Variants in CYP7B1 observed in about 807,000 individuals in gnomAD.
The protein encoded by CYP7B1 is cytochrome P450 family 7 subfamily B member 1.
In CYP7B1, 29 loss-of-function variants were observed where a neutral mutation model predicts 42.7. The ratio of observed to expected loss-of-function variants is 0.68; its 90% confidence interval spans 0.51 to 0.93. The LOEUF (loss-of-function observed/expected upper bound fraction) is 0.93. Ranked by LOEUF, CYP7B1 falls within the 40% of genes least tolerant of loss-of-function variation. The pLI, the probability that CYP7B1 is intolerant of heterozygous loss-of-function variation, is 0.00. For synonymous variants in CYP7B1, 235 were observed against 218.2 expected, an observed-to-expected ratio of 1.08 and a Z score of -0.68; for missense variants, 655 against 600.5, an observed-to-expected ratio of 1.09 and a Z score of -0.95.
intron 1 of CYP7B1, among the ~76,000 whole-genome samples, chr8:64,798,096 G>C (rs181730474): frequency 1.1e-4 from 17 of 152,302 alleles, no homozygotes; most frequent in African/African-American, 3.6e-4. Flanking sequence ...TCTTTTAACT[G>C]ATGAAATTTA....
At chr8:64,692,216 G>C (rs1359519776) in intron 1 of CYP7B1, among the ~76,000 whole-genome samples, 1 of 152,178 alleles carries the variant, frequency 6.6e-6, no homozygotes, top group African/African-American at 2.4e-5. Flanking sequence ...GTCAATAAGG[G>C]GATACCCTGA....
chr8:64,709,306 C>A (rs1005049978), intron 1 of CYP7B1, among the ~76,000 whole-genome samples: 2 of 152,176 alleles, frequency 1.3e-5, no homozygotes, highest in African/African-American at 4.8e-5. Flanking sequence ...TGATTTCTAT[C>A]TTTCTTTCTT....
chr8:64,627,660 A>T (rs1585816304), intron 1 of CYP7B1, among the ~76,000 whole-genome samples: 1 of 152,340 alleles, frequency 6.6e-6, no homozygotes, highest in East Asian at 1.9e-4. Context: ...TTAACTTAAC[A>T]TTCAGAGTTA....
chr8:64,628,117 A>G (rs1199559383), intron 1 of CYP7B1, among the ~76,000 whole-genome samples: 7 of 152,082 alleles, frequency 4.6e-5, no homozygotes, highest in African/African-American at 1.2e-4. Flanking sequence ...TATGTTCCCT[A>G]CTCCCTCATA....
At chr8:64,634,278 G>A (rs1805738042) in intron 1 of CYP7B1, among the ~76,000 whole-genome samples, 1 of 152,054 alleles carries the variant, frequency 6.6e-6, no homozygotes, top group African/African-American at 2.4e-5. Context: ...ATAAAGAAAT[G>A]CTATTTTGGG....
At position 64,594,585 on chromosome 8, in the gene CYP7B1, G is replaced by T. The variant is rs1269839538; in HGVS notation, c.*2057C>A. On this transcript the variant is annotated 3_prime_UTR_variant, in exon 6 of 6. Transcript: ENST00000310193. Reference sequence around the variant, plus strand: ...ACAGAATAAGTAAATAAAGCCAGAGGGACCTTATTAGAACCAATTATAATT... The same window carrying T: ...ACAGAATAAGTAAATAAAGCCAGAGTGACCTTATTAGAACCAATTATAATT... 2.6e-5 allele frequency among the ~76,000 whole-genome samples: 4 copies of T among 152,062 alleles called. No individual in the cohort carries two copies. Among genetic ancestry groups the T allele is most frequent in the Admixed American group, 6.6e-5 (1 of 15,252 alleles).
intron 1 of CYP7B1, among the ~76,000 whole-genome samples, chr8:64,679,692 C>A (rs568740987): frequency 6.6e-6 from 1 of 152,104 alleles, no homozygotes; most frequent in Non-Finnish European, 1.5e-5. Context: ...CTTTTCCTAG[C>A]CCTCCTGTGA....
intron 1 of CYP7B1, among the ~76,000 whole-genome samples, chr8:64,649,094 C>A (rs545526163): frequency 6.6e-5 from 10 of 152,292 alleles, no homozygotes; most frequent in Non-Finnish European, 1.0e-4. Flanking sequence ...CGGTTTTCAT[C>A]TTCCACCACC....
chr8:64,660,651 T>G (rs1806187298), intron 1 of CYP7B1, among the ~76,000 whole-genome samples: 2 of 152,210 alleles, frequency 1.3e-5, no homozygotes, highest in Admixed American at 1.3e-4. Flanking sequence ...CACAGTCTTT[T>G]CTGTAACCTA....
At chr8:64,707,407 G>C (rs991498512) in intron 1 of CYP7B1, among the ~76,000 whole-genome samples, 1 of 152,034 alleles carries the variant, frequency 6.6e-6, no homozygotes, top group African/African-American at 2.4e-5. Context: ...TTATCTAGGG[G>C]GTTTTATTTG....
intron 1 of CYP7B1, among the ~76,000 whole-genome samples, chr8:64,668,000 C>G (rs576993203): frequency 2.0e-5 from 3 of 152,334 alleles, no homozygotes; most frequent in African/African-American, 7.2e-5. Context: ...CTACAGACAA[C>G]TGCTTAATCT....
At chr8:64,624,307 A>G in intron 2 of CYP7B1, 96 bp downstream of exon 2, 2 of 1,176,198 alleles carry the variant, frequency 1.7e-6, no homozygotes, top group Non-Finnish European at 2.5e-6. Context: ...AAAATATACA[A>G]ATATTCTACA....
intron 1 of CYP7B1, among the ~76,000 whole-genome samples, chr8:64,765,605 G>A (rs944463614): frequency 7.2e-5 from 11 of 152,174 alleles, no homozygotes; most frequent in South Asian, 4.1e-4. Flanking sequence ...GTGCAGGACT[G>A]CTACATCAGT....
rs1015800924 is a variant in CYP7B1, at chr8:64,714,399, G to A, written c.122+84067C>T. 1.1e-4 allele frequency among the ~76,000 whole-genome samples: 17 copies of A among 152,280 alleles called. No homozygotes were observed. The East Asian group carries it at 2.9e-3, about 26-fold the overall frequency. On this transcript the variant is annotated intron_variant, in intron 1 of 5. Coordinates refer to ENST00000310193, the MANE Select transcript of CYP7B1 (RefSeq NM_004820.5). ...GTTAGCATTCAAACCATTGTGACCC[G>A]CCATTTAACCATGGACTAAATCAGC...
At chr8:64,692,283 C>A (rs1422246364) in intron 1 of CYP7B1, among the ~76,000 whole-genome samples, 2 of 152,202 alleles carry the variant, frequency 1.3e-5, no homozygotes, top group Non-Finnish European at 1.5e-5. Flanking sequence ...TGCAAATTAA[C>A]AAATGGATAT....
At chr8:64,714,276 T>G (rs902180699) in intron 1 of CYP7B1, among the ~76,000 whole-genome samples, 1 of 152,232 alleles carries the variant, frequency 6.6e-6, no homozygotes, top group African/African-American at 2.4e-5. Flanking sequence ...GTGGTTTTTA[T>G]AAAGAATATG....
chr8:64,795,059 T>C (rs1804683806), intron 1 of CYP7B1, among the ~76,000 whole-genome samples: 1 of 151,732 alleles, frequency 6.6e-6, no homozygotes. Context: ...TTTTCCGAAA[T>C]GGTTGTGGAT....
chr8:64,631,459 A>C (rs1366149994), intron 1 of CYP7B1, among the ~76,000 whole-genome samples: 1 of 152,202 alleles, frequency 6.6e-6, no homozygotes, highest in Non-Finnish European at 1.5e-5. Context: ...CAAAACTGTA[A>C]AACTCCTAGA....
chr8:64,735,129 G>A (rs1425184966), intron 1 of CYP7B1, among the ~76,000 whole-genome samples: 1 of 152,114 alleles, frequency 6.6e-6, no homozygotes, highest in Non-Finnish European at 1.5e-5. Flanking sequence ...TTGTCTCAGT[G>A]AGTTCCTGAT....
Sources: allele counts gnomAD v4.1 joint callset (sites outside exome capture counted in the v4.1 genomes callset), GRCh38; gene constraint gnomAD v4.1.1; transcripts MANE v1.5; gene names NCBI Gene and HGNC (gene_info 2026-07-23, HGNC 2026-07-21).